DLG2: variants seen among roughly 807,000 people sequenced by gnomAD.
DLG2 encodes disks large homolog 2.
In DLG2, 45 loss-of-function variants were observed where a neutral mutation model predicts 132.5. The observed-to-expected ratio is 0.34, with a 90% CI of 0.27 to 0.44. The LOEUF is 0.44. DLG2 is among the 20% of genes least tolerant of loss of function. DLG2 has a pLI of 1.00. For missense variants in DLG2, 1,045 were observed against 1,196.9 expected, an observed-to-expected ratio of 0.87 and a Z score of 1.87; for synonymous variants, 424 against 419.6, an observed-to-expected ratio of 1.01 and a Z score of -0.13.
chr11:84,093,962 T>A lies in DLG2; in HGVS notation c.749+4961A>T, dbSNP rs528728927. On this transcript the variant is annotated intron_variant, in intron 10 of 27. Transcript: ENST00000376104. ...CTTACCACAGTGGGTCTTTTTTTTT[T>A]TATTTTTTATTTTTTATTTTTATTA... is the stretch of plus-strand genomic sequence containing the variant. Among the ~76,000 whole-genome samples the A allele has an allele frequency of 3.3e-5, 5 of 151,848 alleles. No homozygotes were observed. The East Asian group carries it at 9.7e-4, about 29-fold the overall frequency.
In DLG2 at chr11:83,937,849, A is replaced by G. The variant is rs543017778; in HGVS notation, c.1341-7366T>C. 5.3e-5 allele frequency among the ~76,000 whole-genome samples: 8 copies of G among 152,346 alleles called. No homozygotes were observed. In the South Asian group the frequency reaches 1.7e-3, roughly 32 times the overall value. Reference sequence around the variant, plus strand: ...TGTGGTATGTTGAAACAGACACTATATTGCTGGTGCTATGGAGTGTAAAAC... The same window carrying G: ...TGTGGTATGTTGAAACAGACACTATGTTGCTGGTGCTATGGAGTGTAAAAC... On this transcript the variant is annotated intron_variant, in intron 14 of 27. Transcript: ENST00000376104.
chr11:83,908,708 C>T (rs1178553930), intron 15 of DLG2, among the ~76,000 whole-genome samples: 2 of 151,862 alleles, frequency 1.3e-5, no homozygotes, highest in African/African-American at 4.8e-5. Context: ...TAGAGTAGGC[C>T]ACTGGCCAAA....
At chr11:84,775,541 G>A (rs1027092812) in intron 6 of DLG2, among the ~76,000 whole-genome samples, 1 of 152,098 alleles carries the variant, frequency 6.6e-6, no homozygotes, top group Non-Finnish European at 1.5e-5. Context: ...ATGCCGGACT[G>A]GATAAAGAAA....
At chr11:84,036,215 A>G (rs978132885) in intron 11 of DLG2, among the ~76,000 whole-genome samples, 3 of 152,146 alleles carry the variant, frequency 2.0e-5, no homozygotes, top group Non-Finnish European at 4.4e-5. Flanking sequence ...GGTTAAAGAA[A>G]AAAAAAAGTT....
At chr11:84,816,115 G>A (rs1363289080) in intron 6 of DLG2, among the ~76,000 whole-genome samples, 1 of 151,948 alleles carries the variant, frequency 6.6e-6, no homozygotes, top group Admixed American at 6.6e-5. Flanking sequence ...GGGGTTGCTG[G>A]CTCATTTTAG....
At chr11:84,062,284 G>C (rs2096603605) in intron 10 of DLG2, among the ~76,000 whole-genome samples, 1 of 152,142 alleles carries the variant, frequency 6.6e-6, no homozygotes, top group African/African-American at 2.4e-5. Context: ...GGACCACGGT[G>C]AGGCCACTTT....
chr11:84,212,894 G>A (rs1431116768), intron 8 of DLG2, among the ~76,000 whole-genome samples: 2 of 152,158 alleles, frequency 1.3e-5, no homozygotes, highest in Admixed American at 1.3e-4. Flanking sequence ...ACCTGACTTC[G>A]TGATCCGCCC....
intron 6 of DLG2, among the ~76,000 whole-genome samples, chr11:85,029,117 T>C (rs1208944091): frequency 6.6e-6 from 1 of 152,188 alleles, no homozygotes; most frequent in African/African-American, 2.4e-5. Flanking sequence ...TTGCAATAAG[T>C]TCTGATTTAT....
intron 15 of DLG2, among the ~76,000 whole-genome samples, chr11:83,916,898 C>T (rs1337276404): frequency 1.3e-5 from 2 of 152,206 alleles, no homozygotes; most frequent in East Asian, 1.9e-4. Context: ...CTGCTATATC[C>T]GTCACAGACT....
rs184521790 is a variant in DLG2, at chr11:83,584,008, G to A, written c.1941-42150C>T. ...TATAATTAACTCAGTGTCAGAAAGT[G>A]TATCCAATGAAAGGCCAGGCTTAGT... On this transcript the variant is annotated intron_variant, in intron 19 of 27. Transcript: ENST00000376104. Among the ~76,000 whole-genome samples the A allele has an allele frequency of 3.9e-5, 6 of 152,300 alleles. No individual in the cohort carries two copies. The East Asian group carries it at 1.2e-3, about 29-fold the overall frequency.
intron 12 of DLG2, among the ~76,000 whole-genome samples, chr11:83,970,484 T>A (rs985053075): frequency 7.9e-5 from 12 of 152,052 alleles, no homozygotes; most frequent in Admixed American, 2.0e-4. Flanking sequence ...TATTGAAAAA[T>A]TTACTTAGAT....
At chr11:84,575,687 C>T (rs945926931) in intron 6 of DLG2, among the ~76,000 whole-genome samples, 1 of 152,080 alleles carries the variant, frequency 6.6e-6, no homozygotes, top group African/African-American at 2.4e-5. Context: ...TACAAACAAT[C>T]CACTTATACT....
At chr11:85,464,635 G>A (rs1416367336) in intron 3 of DLG2, among the ~76,000 whole-genome samples, 1 of 151,962 alleles carries the variant, frequency 6.6e-6, no homozygotes, top group Non-Finnish European at 1.5e-5. Context: ...TGTGACCTCT[G>A]GTCACATGAC....
At chr11:85,029,413 G>T (rs1364885676) in intron 6 of DLG2, among the ~76,000 whole-genome samples, 2 of 152,208 alleles carry the variant, frequency 1.3e-5, no homozygotes, top group Admixed American at 6.5e-5. Context: ...ACAACATGGA[G>T]AAGAGTGTTC....
intron 18 of DLG2, among the ~76,000 whole-genome samples, chr11:83,766,401 T>C (rs936822099): frequency 6.6e-6 from 1 of 151,740 alleles, no homozygotes; most frequent in Non-Finnish European, 1.5e-5. Flanking sequence ...CCTGCCTTTT[T>C]TTTTTTTTTT....
intron 11 of DLG2, among the ~76,000 whole-genome samples, chr11:84,055,604 C>G (rs140811684): frequency 2.2e-3 from 329 of 152,168 alleles, no homozygotes; most frequent in Non-Finnish European, 4.1e-3. Context: ...ACTCACATGC[C>G]TCTACTTCTA....
intron 21 of DLG2, among the ~76,000 whole-genome samples, chr11:83,520,712 T>C (rs1168001906): frequency 1.0e-5 from 1 of 95,590 alleles, no homozygotes; most frequent in African/African-American, 4.0e-5. Context: ...GATAGATAGA[T>C]AGATAGATAG....
At chr11:84,036,977 G>A (rs1246510977) in intron 11 of DLG2, among the ~76,000 whole-genome samples, 3 of 152,126 alleles carry the variant, frequency 2.0e-5, no homozygotes, top group Non-Finnish European at 2.9e-5. Context: ...GGAGCCATCA[G>A]GAAAAAGATC....
In DLG2 at chr11:83,984,402, C is replaced by T. The variant is rs940438149; in HGVS notation, c.920-3760G>A. Among the ~76,000 whole-genome samples, 11 of 152,080 alleles carry T rather than the reference C, an allele frequency of 7.2e-5. 1 individual carries two copies. The highest frequency in any genetic ancestry group is 2.0e-4 in the Admixed American group (3 of 15,246). On this transcript the variant is annotated intron_variant, in intron 11 of 27. Transcript: ENST00000376104. ...ATTTTTCCAATTTCCTTTACTTTGA[C>T]ATAACATGCATGTGTTTAAAAACAA...
Sources: allele counts gnomAD v4.1 joint callset (sites outside exome capture counted in the v4.1 genomes callset), GRCh38; gene constraint gnomAD v4.1.1; transcripts MANE v1.5; gene names NCBI Gene and HGNC (gene_info 2026-07-23, HGNC 2026-07-21).